PCLO: variants seen among roughly 807,000 people sequenced by gnomAD.
The protein encoded by PCLO is protein piccolo.
A neutral mutation model predicts 427.5 loss-of-function variants in PCLO; 82 were observed. That is an observed-to-expected ratio of 0.19 (90% CI 0.16 to 0.23). The LOEUF is 0.23. Among genes scored for constraint, PCLO ranks in the 10% least tolerant of loss-of-function variants. PCLO has a pLI of 1.00. For synonymous variants in PCLO, 2,357 were observed against 2,155.4 expected (o/e 1.09, Z -2.59); for missense variants, 6,239 against 6,115.9 (o/e 1.02, Z -0.67).
At chr7:83,112,421 T>C (rs1303962166) in intron 3 of PCLO, among the ~76,000 whole-genome samples, 1 of 152,140 alleles carries the variant, frequency 6.6e-6, no homozygotes, top group Non-Finnish European at 1.5e-5. Flanking sequence ...TATCATTTAG[T>C]AAAATAGTAA....
At chr7:82,908,830 AG>A in intron 8 of PCLO, 46 bp downstream of exon 8, 1 of 1,513,640 alleles carries the variant, frequency 6.6e-7, no homozygotes, top group Non-Finnish European at 9.1e-7. Flanking sequence ...GGTAGACTTG[AG>A]TCTTTTTTGA....
intron 4 of PCLO, among the ~76,000 whole-genome samples, chr7:82,959,717 C>A (rs1004890200): frequency 6.6e-6 from 1 of 152,196 alleles, no homozygotes; most frequent in African/African-American, 2.4e-5. Context: ...CTCTCACTCA[C>A]TGCCTGGTCT....
At chr7:82,817,008 T>C (rs969411324) in intron 20 of PCLO, among the ~76,000 whole-genome samples, 2 of 152,182 alleles carry the variant, frequency 1.3e-5, no homozygotes, top group Non-Finnish European at 2.9e-5. Flanking sequence ...TATAGAAATA[T>C]TTGAAAATGC....
intron 3 of PCLO, among the ~76,000 whole-genome samples, chr7:83,127,003 G>A (rs909984949): frequency 3.9e-5 from 6 of 151,984 alleles, no homozygotes; most frequent in Admixed American, 2.0e-4. Flanking sequence ...CCATTTACCT[G>A]AATACATCCA....
chr7:82,996,981 A>G (rs561566753), intron 3 of PCLO, among the ~76,000 whole-genome samples: 1 of 152,166 alleles, frequency 6.6e-6, no homozygotes, highest in South Asian at 2.1e-4. Context: ...TTTAAAAAGA[A>G]CAGTCCTCCA....
At chr7:83,086,729 TCAAC>T in intron 3 of PCLO, among the ~76,000 whole-genome samples, 1 of 152,082 alleles carries the variant, frequency 6.6e-6, no homozygotes, top group Non-Finnish European at 1.5e-5. Flanking sequence ...GAAAAAGAAA[TCAAC>T]AGAGATACAT....
chr7:83,035,800 G>A (rs1788779726), intron 3 of PCLO, among the ~76,000 whole-genome samples: 1 of 151,916 alleles, frequency 6.6e-6, no homozygotes, highest in Non-Finnish European at 1.5e-5. Context: ...CATCTATTCT[G>A]TCCTTACTTT....
At chr7:83,154,698 A>T in intron 2 of PCLO, 50 bp downstream of exon 2, 2 of 1,306,792 alleles carry the variant, frequency 1.5e-6, no homozygotes, top group African/African-American at 1.5e-5. Context: ...CATTTGTATA[A>T]GAGGATGATA....
At chr7:83,051,502 T>G (rs1311912273) in intron 3 of PCLO, among the ~76,000 whole-genome samples, 1 of 152,194 alleles carries the variant, frequency 6.6e-6, no homozygotes, top group Non-Finnish European at 1.5e-5. Flanking sequence ...CTAACAATTA[T>G]GTAAACAATC....
chr7:83,113,003 G>A (rs7777648), intron 3 of PCLO, among the ~76,000 whole-genome samples: 78,250 of 152,002 alleles, frequency 0.51, 20,677 homozygotes, highest in African/African-American at 0.64. Context: ...TTTTTATCTT[G>A]ACTCTTTAGT....
chr7:82,956,310 C>A lies in PCLO; in HGVS notation c.4643G>T (p.Gly1548Val). The A allele has an allele frequency of 6.2e-7, 1 of 1,613,050 alleles. No individual in the cohort carries two copies. Among genetic ancestry groups the A allele is most frequent in the Non-Finnish European group, 8.5e-7 (1 of 1,179,880 alleles). The stretch of plus-strand genomic sequence containing the variant: ...AATGAAGTCCTCCTCTTCCCCTGAT[C>A]CTTGGCTGTCTTCCTGTTTATACTC... The part of the protein sequence containing the change: ...SDEYKQEDSQ[G>V]SGEEEDFIRK... The change falls in exon 5 of 25, where the codon GGA becomes GTA. Residue 1548 changes from glycine to valine, a missense_variant. Gly to Val is a moderately radical substitution (Grantham distance 109). Transcript: ENST00000333891.
intron 21 of PCLO, among the ~76,000 whole-genome samples, chr7:82,803,471 T>C (rs777593131): frequency 6.6e-6 from 1 of 152,138 alleles, no homozygotes; most frequent in Non-Finnish European, 1.5e-5. Context: ...ACCCAGCCAG[T>C]CTTTGCTTTC....
intron 3 of PCLO, among the ~76,000 whole-genome samples, chr7:82,981,469 C>A (rs1283595937): frequency 2.0e-5 from 3 of 151,968 alleles, no homozygotes; most frequent in Non-Finnish European, 4.4e-5. Context: ...ATCAGAATTT[C>A]AAGAAAGTGA....
At position 82,949,986 on chromosome 7, in the gene PCLO, T is replaced by A; in HGVS notation, c.10602A>T (p.Ile3534=). The change falls in exon 6 of 25, where the codon ATA becomes ATT. Residue 3534 remains isoleucine, a synonymous_variant. Transcript: ENST00000333891. ...ISVQTEPVGT[I]RTPSIRARVD... is the part of the protein sequence containing the mutation. ...CTCGTGCCCGTATGGAGGGTGTTCT[T>A]ATGGTTCCAACTGGTTCAGTTTGCA... 1.2e-6 allele frequency: 2 copies of A among 1,613,550 alleles called. No homozygotes were observed. The highest frequency in any genetic ancestry group is 1.7e-6 in the Non-Finnish European group (2 of 1,179,792).
rs1225703145 is a variant in PCLO at position 82,918,110 on chromosome 7, A to T, written c.11113-1237T>A. Among the ~76,000 whole-genome samples, 6 of 152,022 alleles carry T rather than the reference A, an allele frequency of 3.9e-5. No individual in the cohort carries two copies. The East Asian group carries it at 1.2e-3, about 29-fold the overall frequency. ...ACTTAAAATATTTGGATGGAAATGA[A>T]TAAATGTTATGAATCTTTGAAATAA... On this transcript the variant is annotated intron_variant, in intron 6 of 24. Transcript: ENST00000333891.
Position 82,953,604 on chromosome 7 carries a change from G to C in PCLO, c.7349C>G (p.Thr2450Ser). The C allele has an allele frequency of 6.2e-7, 1 of 1,612,378 alleles. No individual in the cohort carries two copies. Among genetic ancestry groups the C allele is most frequent in the Non-Finnish European group, 8.5e-7 (1 of 1,179,338 alleles). ...KKKLTVASPVTTATPLFDAVT... is the reference protein window; with the variant it reads ...KKKLTVASPVSTATPLFDAVT... ...AGCATCAAACAGAGGTGTAGCTGTA[G>C]TCACTGGAGATGCAACTGTTAACTT... The change falls in exon 5 of 25, where the codon ACT (threonine) becomes AGT (serine). Residue 2450 changes from threonine to serine, a missense_variant. By Grantham distance (58) the Thr-to-Ser change is moderately conservative. Around this residue, in one of 5 missense-constraint regions of PCLO, gnomAD observed 4,677 missense variants for 4,468.4 expected, o/e 1.05. Transcript: ENST00000333891.
rs558312293 is a variant in PCLO, at chr7:82,781,269, A to C, written c.15008-19776T>G. Among the ~76,000 whole-genome samples the C allele has an allele frequency of 2.0e-3, 310 of 152,032 alleles. 1 individual carries two copies. The highest frequency in any genetic ancestry group is 7.3e-3 in the African/African-American group (303 of 41,508). On this transcript the variant is annotated intron_variant, in intron 22 of 24. Transcript: ENST00000333891. The stretch of plus-strand genomic sequence containing the variant: ...TATTTATTATATTATGACTTACAAT[A>C]TAAAGAAACTGCCATTTCTTGTTTA...
At chr7:82,899,373 A>C (rs1793985949) in intron 9 of PCLO, among the ~76,000 whole-genome samples, 1 of 151,516 alleles carries the variant, frequency 6.6e-6, no homozygotes, top group Admixed American at 6.6e-5. Flanking sequence ...TAAAACTTCC[A>C]GACATTGTCA....
chr7:82,890,637 T>C (rs1012135625), intron 9 of PCLO, among the ~76,000 whole-genome samples: 2 of 151,734 alleles, frequency 1.3e-5, no homozygotes, highest in African/African-American at 4.9e-5. Context: ...GATGAGAATT[T>C]TGTTGTAGTT....
Sources: allele counts gnomAD v4.1 joint callset (sites outside exome capture counted in the v4.1 genomes callset), GRCh38; gene constraint gnomAD v4.1.1; regional missense constraint gnomAD v4.1.1; transcripts MANE v1.5; gene names NCBI Gene and HGNC (gene_info 2026-07-23, HGNC 2026-07-21).